The following SATL1 variants were observed in gnomAD, a reference collection of about 807,000 sequenced individuals.
SATL1 encodes spermidine/spermine N1-acetyl transferase like 1.
SATL1 carries 47 observed loss-of-function variants against 51.8 expected under a neutral mutation model. That is an observed-to-expected ratio of 0.91 (90% CI 0.72 to 1.16). The LOEUF is 1.16. Among genes scored for constraint, SATL1 ranks in the 50% most tolerant of loss-of-function variants. The pLI is 0.00. For synonymous variants in SATL1, 176 were observed against 182.4 expected (o/e 0.97, Z 0.28); for missense variants, 520 against 526.4 (o/e 0.99, Z 0.12).
chrX:85,241,078 G>A (rs1006628), intron 1 of SATL1, among the ~76,000 whole-genome samples: 14,493 of 110,229 alleles, frequency 0.13, 730 homozygotes, highest in South Asian at 0.18. Flanking sequence ...TAGTATTTAC[G>A]GACTTTTTGA....
chrX:85,187,072 T>C (rs1927328597), intron 2 of SATL1, among the ~76,000 whole-genome samples: 1 of 112,418 alleles, frequency 8.9e-6, no homozygotes, highest in Admixed American at 9.5e-5. Flanking sequence ...GTAGTTTTGA[T>C]TTATTCCTAA....
chrX:85,132,722 A>G (rs1925841474), intron 2 of SATL1, among the ~76,000 whole-genome samples: 1 of 111,487 alleles, frequency 9.0e-6, no homozygotes, highest in Non-Finnish European at 1.9e-5. Flanking sequence ...CCTTTGGAGG[A>G]GAAGGGGCAC....
chrX:85,229,036 A>G (rs1013227356), intron 1 of SATL1, among the ~76,000 whole-genome samples: 2 of 111,778 alleles, frequency 1.8e-5, no homozygotes, highest in Non-Finnish European at 3.8e-5. Context: ...TCAGGCTGAA[A>G]ACTTTGGAGT....
chrX:85,185,226 G>A (rs148583618), intron 2 of SATL1, among the ~76,000 whole-genome samples: 21 of 112,638 alleles, frequency 1.9e-4, no homozygotes, highest in African/African-American at 4.8e-4. Context: ...GCTAGGGGAC[G>A]GGTGACACAA....
intron 1 of SATL1, among the ~76,000 whole-genome samples, chrX:85,224,710 A>G (rs1265091008): frequency 9.9e-6 from 1 of 101,468 alleles, no homozygotes; most frequent in Non-Finnish European, 2.0e-5. Flanking sequence ...AGATGGACTT[A>G]CCCTTTAAGT....
intron 2 of SATL1, among the ~76,000 whole-genome samples, chrX:85,136,856 G>A (rs1397454119): frequency 1.8e-5 from 2 of 111,588 alleles, no homozygotes; most frequent in Non-Finnish European, 3.8e-5. Flanking sequence ...AAAAATAAGT[G>A]AGCATAGGCA....
At chrX:85,182,254 C>T (rs1805712152) in intron 2 of SATL1, among the ~76,000 whole-genome samples, 1 of 111,165 alleles carries the variant, frequency 9.0e-6, no homozygotes, top group African/African-American at 3.3e-5. Context: ...TTCCCCTACC[C>T]TTCCCAATCC....
chrX:85,159,635 C>T (rs773517855), intron 2 of SATL1, among the ~76,000 whole-genome samples: 1 of 111,273 alleles, frequency 9.0e-6, no homozygotes, highest in African/African-American at 3.3e-5. Flanking sequence ...ACATATTTTA[C>T]CATGTTTTTT....
chrX:85,145,975 C>T (rs1320451535), intron 2 of SATL1, among the ~76,000 whole-genome samples: 1 of 108,203 alleles, frequency 9.2e-6, no homozygotes, highest in African/African-American at 3.4e-5. Flanking sequence ...CGGCTCACTG[C>T]AAGCTCCGCC....
intron 3 of SATL1, 58 bp from the exon 4 acceptor site, chrX:85,103,973 AATC>A: frequency 1.2e-6 from 1 of 868,974 alleles, no homozygotes; most frequent in Non-Finnish European, 1.7e-6. Flanking sequence ...TTAAGATGAT[AATC>A]ATCATAAAAT....
intron 1 of SATL1, among the ~76,000 whole-genome samples, chrX:85,236,228 G>A (rs971107708): frequency 1.8e-5 from 2 of 110,969 alleles, no homozygotes; most frequent in African/African-American, 6.5e-5. Flanking sequence ...GGACCCTATG[G>A]CTTCACTGCT....
At chrX:85,115,671 C>T (rs1925368323) in intron 2 of SATL1, among the ~76,000 whole-genome samples, 1 of 112,086 alleles carries the variant, frequency 8.9e-6, no homozygotes, top group Admixed American at 9.4e-5. Flanking sequence ...CCAAGGTGTA[C>T]ATTCTGGCAG....
intron 4 of SATL1, among the ~76,000 whole-genome samples, chrX:85,099,403 C>T (rs1297246692): frequency 9.0e-6 from 1 of 111,440 alleles, no homozygotes; most frequent in Non-Finnish European, 1.9e-5. Context: ...GTAATTAATT[C>T]CGTGAGGTCA....
intron 2 of SATL1, among the ~76,000 whole-genome samples, chrX:85,130,545 T>G (rs1925761365): frequency 8.9e-6 from 1 of 111,749 alleles, no homozygotes; most frequent in African/African-American, 3.3e-5. Context: ...CTTTTATTCT[T>G]TATTAGTCTT....
intron 2 of SATL1, among the ~76,000 whole-genome samples, chrX:85,135,855 T>C (rs1211142823): frequency 9.1e-6 from 1 of 110,335 alleles, no homozygotes; most frequent in Non-Finnish European, 1.9e-5. Flanking sequence ...GCTAGGATTA[T>C]AGGCATGAGC....
rs1268815053 is a variant in SATL1 at position 85,210,160 on chromosome X, T to C, written c.-313+14045A>G. On this transcript the variant is annotated intron_variant, in intron 2 of 7. Coordinates refer to ENST00000644105, the MANE Select transcript of SATL1 (RefSeq NM_001367857.2). ...ACTAACTAGCTGCTGGTTTTTTTTT[T>C]CTGTACCCTCATGTGCACATATGAG... 5.5e-5 allele frequency: 6 copies of C among 108,471 alleles called. No individual in the cohort carries two copies. In the East Asian group the frequency reaches 1.7e-3, roughly 32 times the overall value. 8.9% of individuals were successfully genotyped at this position (108,471 alleles called of 1,213,427 possible).
At position 85,108,459 on chromosome X, in the gene SATL1, T is replaced by A. The variant is rs1308701273; in HGVS notation, c.510A>T (p.Gln170His). 8.3e-7 allele frequency: 1 copy of A among 1,210,665 alleles called. No homozygotes were observed. The highest frequency in any genetic ancestry group is 1.1e-6 in the Non-Finnish European group (1 of 895,431). Residue 170 changes from glutamine (Q) to histidine (H), a missense_variant, in exon 3 of 8, where the codon CAA becomes CAT. Gln to His is a conservative substitution (Grantham distance 24, BLOSUM62 0). Transcript: ENST00000644105. ...TCAGTCCTGTTTGCCATGTGCCTGG[T>A]TGGCTCATGCCTATTTGGCTTGTGC... ...QLGTSQIGMS[Q>H]PGTWQTGLSQ...
At position 85,191,796 on chromosome X, in the gene SATL1, A is replaced by T. The variant is rs374240894; in HGVS notation, c.-313+32409T>A. 1.4e-4 allele frequency among the ~76,000 whole-genome samples: 16 copies of T among 111,809 alleles called. No individual in the cohort carries two copies. The East Asian group carries it at 3.7e-3, about 26-fold the overall frequency. On this transcript the variant is annotated intron_variant, in intron 2 of 7. Transcript: ENST00000644105. ...TTGAGTAGGCTGAGGAGGAGGAAGA[A>T]AAAAGGTTGGTCTTGCTGTCTCAGA...
chrX:85,226,911 A>G (rs192330431), intron 1 of SATL1, among the ~76,000 whole-genome samples: 69 of 111,143 alleles, frequency 6.2e-4, no homozygotes, highest in Non-Finnish European at 8.5e-4. Context: ...AGCTTTTTAC[A>G]GTAACTTATC....
Sources: gnomAD v4.1 joint callset for allele counts (sites outside exome capture counted in the v4.1 genomes callset) on GRCh38, gnomAD v4.1.1 for gene constraint, MANE v1.5 for transcripts, NCBI Gene and HGNC (gene_info 2026-07-23, HGNC 2026-07-21) for gene names.